The following LEMD2 variants were observed in gnomAD, a reference collection of about 807,000 sequenced individuals.
LEMD2 encodes LEM domain nuclear envelope protein 2.
LEMD2 carries 34 observed loss-of-function variants against 58.8 expected under a neutral mutation model. That is an observed-to-expected ratio of 0.58 (90% CI 0.44 to 0.77). LEMD2 has a LOEUF of 0.77. LEMD2 is among the 30% of genes least tolerant of loss of function. The pLI is 0.00. For missense variants in LEMD2, 629 were observed against 717.9 expected, an observed-to-expected ratio of 0.88 and a Z score of 1.42; for synonymous variants, 298 against 308.9, an observed-to-expected ratio of 0.96 and a Z score of 0.37.
At position 33,773,380 on chromosome 6, in the gene LEMD2, C is replaced by A. The variant is rs77580106; in HGVS notation, c.1362-602G>T. Among the ~76,000 whole-genome samples the A allele has an allele frequency of 4.4e-3, 670 of 152,266 alleles. 3 individuals are homozygous for A. Among genetic ancestry groups the A allele is most frequent in the African/African-American group, 0.015 (641 of 41,554 alleles). On this transcript the variant is annotated intron_variant, in intron 8 of 8. Transcript: ENST00000293760. ...GCCTTCCCCTCATCTCTTCTTCCCC[C>A]CTTCCAGACTGGACAAGAAGGTTCC... is the stretch of plus-strand genomic sequence containing the variant.
In LEMD2 at chr6:33,788,591, G is replaced by A. The variant is rs936273630; in HGVS notation, c.526C>T (p.Leu176Phe). 18 of 1,305,498 alleles carry A rather than the reference G, an allele frequency of 1.4e-5. No homozygotes were observed. The highest frequency in any genetic ancestry group is 4.1e-5 in the Admixed American group (1 of 24,112). 80.9% of individuals were successfully genotyped at this position (1,305,498 alleles called of 1,614,324 possible). A position where few individuals can be genotyped will look rare whatever the true frequency, so the allele number is the denominator to read the frequency against. The change falls in exon 1 of 9, where the codon CTC becomes TTC. Residue 176 changes from leucine (L) to phenylalanine (F), a missense_variant. Coordinates refer to ENST00000293760, the MANE Select transcript of LEMD2 (RefSeq NM_181336.4). ...CCCGGGCGCGGGTCGGGACCGAGGA[G>A]GGAGGAAGGCAGCCGCGCCGGGGCG... ...SPAPARLPSS[L>F]LGPDPRPGLR... is the part of the protein sequence containing the mutation.
At position 33,780,180 on chromosome 6, in the gene LEMD2, C is replaced by T; in HGVS notation, c.931-1G>A. On this transcript the variant is annotated splice_acceptor_variant, in intron 4 of 8. Coordinates refer to ENST00000293760, the MANE Select transcript of LEMD2 (RefSeq NM_181336.4). LOFTEE classifies it high-confidence loss of function. ...TGGCGGAGGAGCTGCTGGTCACATTCTGTGGGAGGGCGCGGGAGAAGGTTA... is the reference window on the plus strand; with the variant it reads ...TGGCGGAGGAGCTGCTGGTCACATTTTGTGGGAGGGCGCGGGAGAAGGTTA... The T allele has an allele frequency of 6.3e-7, 1 of 1,585,630 alleles. No homozygotes were observed. Among genetic ancestry groups the T allele is most frequent in the African/African-American group, 1.3e-5 (1 of 74,618 alleles).
chr6:33,785,111 C>T (rs571244649), intron 2 of LEMD2, among the ~76,000 whole-genome samples: 84 of 152,198 alleles, frequency 5.5e-4, no homozygotes, highest in African/African-American at 1.9e-3. Context: ...AAAGTGTCAC[C>T]GTCTTCAACG....
Position 33,778,653 on chromosome 6 carries a change from C to T in LEMD2, c.1011-266G>A. The T allele has an allele frequency of 3.0e-6, 1 of 335,344 alleles. No homozygotes were observed. The allele number at this position is 335,344 out of a possible 1,614,324, so 20.8% of individuals were successfully genotyped here. A position where few individuals can be genotyped will look rare whatever the true frequency, so the allele number is the denominator to read the frequency against. On this transcript the variant is annotated intron_variant, in intron 5 of 8. Coordinates refer to ENST00000293760, the MANE Select transcript of LEMD2 (RefSeq NM_181336.4). The surrounding 1 kb of genome is among the most constrained non-coding windows in gnomAD (Gnocchi z 4.7). ...CTGTCAGGTCTTTGACAGCCTCTCT[C>T]AGCATGCAGGAGATTAAACTGTAAA...
rs1185092030 is a variant in LEMD2 at position 33,780,081 on chromosome 6, C to T, written c.1010+19G>A. ...GGTTGCAGGCACCCATGCTGCGTCG[C>T]CACCCTGCCCACACTCACCAGATGC... On this transcript the variant is annotated intron_variant, in intron 5 of 8. Coordinates refer to ENST00000293760, the MANE Select transcript of LEMD2 (RefSeq NM_181336.4). The T allele has an allele frequency of 6.4e-7, 1 of 1,570,556 alleles. No homozygotes were observed.
In LEMD2 at chr6:33,780,088, G is replaced by T; in HGVS notation, c.1010+12C>A. On this transcript the variant is annotated intron_variant, in intron 5 of 8. Transcript: ENST00000293760. ...GGCACCCATGCTGCGTCGCCACCCT[G>T]CCCACACTCACCAGATGCCCACGTC... The T allele has an allele frequency of 6.3e-7, 1 of 1,579,612 alleles. No homozygotes were observed. The highest frequency in any genetic ancestry group is 8.6e-7 in the Non-Finnish European group (1 of 1,160,960).
Position 33,778,137 on chromosome 6 carries a change from A to G in LEMD2, c.1156+105T>C, listed in dbSNP as rs1767478441. On this transcript the variant is annotated intron_variant, in intron 6 of 8. Transcript: ENST00000293760. This position sits in a 1 kb window ranked among gnomAD's most constrained non-coding sequence, Gnocchi z 4.7. ...TTATGAGACAGACCTCAGGTTCACT[A>G]GACAGAAATGAACCCTCCGGGCCTG... 2 of 1,129,196 alleles carry G rather than the reference A, an allele frequency of 1.8e-6. No individual in the cohort carries two copies. Among genetic ancestry groups the G allele is most frequent in the Admixed American group, 3.1e-5 (1 of 31,788 alleles). The allele number at this position is 1,129,196 out of a possible 1,614,324, so 69.9% of individuals were successfully genotyped here.
intron 8 of LEMD2, 103 bp downstream of exon 8, chr6:33,776,851 C>T: frequency 1.1e-6 from 1 of 912,264 alleles, no homozygotes; most frequent in Non-Finnish European, 1.7e-6. Flanking sequence ...TCTGCACTGC[C>T]CTCAGCTGAC....
chr6:33,772,854 C>T, intron 8 of LEMD2, 76 bp from the exon 9 acceptor site: 2 of 1,332,770 alleles, frequency 1.5e-6, no homozygotes, highest in Non-Finnish European at 2.1e-6. Context: ...CTACAAAGGG[C>T]ACACATTTCC....
chr6:33,788,755 G>A lies in LEMD2; in HGVS notation c.362C>T (p.Ala121Val), dbSNP rs13213889. 0.16 allele frequency: 224,994 copies of A among 1,446,274 alleles called. 18,881 individuals carry two copies. Among genetic ancestry groups the A allele is most frequent in the Non-Finnish European group, 0.17 (189,141 of 1,101,234 alleles). 89.6% of individuals were successfully genotyped at this position (1,446,274 alleles called of 1,614,324 possible). ...GAGTTGCGCCGGGCGGGCAGGATAG[G>A]CGAGGCCGCGGCTCCCTACCCAGGA... The part of the protein sequence containing the change: ...AASWVGSRGL[A>V]YPARPAQLRR... The change falls in exon 1 of 9, where the codon GCC becomes GTC. Residue 121 changes from alanine (A) to valine (V), a missense_variant. By Grantham distance (64) the Ala-to-Val change is moderately conservative (BLOSUM62 0). Coordinates refer to ENST00000293760, the MANE Select transcript of LEMD2 (RefSeq NM_181336.4).
rs565921230 is a variant in LEMD2 at position 33,787,073 on chromosome 6, C to A, written c.737-299G>T. 9 of 403,842 alleles carry A rather than the reference C, an allele frequency of 2.2e-5. No homozygotes were observed. In the South Asian group the frequency reaches 3.2e-4, roughly 14 times the overall value. The allele number at this position is 403,842 out of a possible 1,614,324, so 25.0% of individuals were successfully genotyped here. On this transcript the variant is annotated intron_variant, in intron 1 of 8. Coordinates refer to ENST00000293760, the MANE Select transcript of LEMD2 (RefSeq NM_181336.4). ...TGTCTCCTCGTCTGTAAAACGGGATCAAATGGGCCTTCCCTGCTTAACTCA... is the reference window on the plus strand; with the variant it reads ...TGTCTCCTCGTCTGTAAAACGGGATAAAATGGGCCTTCCCTGCTTAACTCA...
chr6:33,774,990 A>T (rs1036691981), intron 8 of LEMD2, among the ~76,000 whole-genome samples: 4 of 151,778 alleles, frequency 2.6e-5, no homozygotes, highest in Non-Finnish European at 5.9e-5. Flanking sequence ...GAATGAATGA[A>T]TGAATGATAG....
rs1392290473 is a variant in LEMD2, at chr6:33,772,018, CCGG to C, written c.*607_*609del. 1 of 152,760 alleles carries C rather than the reference CCGG, an allele frequency of 6.5e-6. No homozygotes were observed. Among genetic ancestry groups the C allele is most frequent in the African/African-American group, 2.4e-5 (1 of 41,458 alleles). The allele number at this position is 152,760 out of a possible 1,614,324, so 9.5% of individuals were successfully genotyped here. On this transcript the variant is annotated 3_prime_UTR_variant, in exon 9 of 9. Transcript: ENST00000293760. ...TTCGGGATCCTCCCAGGAGGCTGTG[CCGG>C]CTGCTCACTCCTCCTGACCTGAGGG...
At chr6:33,786,639 A>C (rs1247320343) in intron 2 of LEMD2, 95 bp downstream of exon 2, 5 of 952,312 alleles carry the variant, frequency 5.3e-6, no homozygotes, top group Non-Finnish European at 8.4e-6. Context: ...GCACTCCCTG[A>C]AAATGATCCT....
intron 3 of LEMD2, 23 bp from the exon 4 acceptor site, chr6:33,781,176 T>A (rs1767557246): frequency 2.1e-6 from 3 of 1,452,570 alleles, no homozygotes; most frequent in Middle Eastern, 3.5e-4. Context: ...AAACCACACA[T>A]GCTCAAACAC....
Position 33,788,916 on chromosome 6 carries a change from C to A in LEMD2, c.201G>T (p.Arg67=). The A allele has an allele frequency of 6.8e-7, 1 of 1,465,848 alleles. No homozygotes were observed. The highest frequency in any genetic ancestry group is 2.5e-5 in the Admixed American group (1 of 39,694). 90.8% of individuals were successfully genotyped at this position (1,465,848 alleles called of 1,614,324 possible). ...RGEERLREEA[R]LREDAPLRAR... is the part of the protein sequence containing the mutation. ...CGCGCAGCGGCGCATCCTCGCGTAA[C>A]CGGGCCTCTTCCCGTAACCGCTCCT... Residue 67 remains arginine (R), a synonymous_variant, in exon 1 of 9, where the codon CGG becomes CGT. Transcript: ENST00000293760.
intron 5 of LEMD2, chr6:33,779,729 A>G (rs1017875050): frequency 1.6e-5 from 3 of 191,374 alleles, no homozygotes; most frequent in Non-Finnish European, 3.2e-5. Context: ...GAATAATTTC[A>G]TCTACAAATA....
chr6:33,775,482 A>C (rs1194373269), intron 8 of LEMD2, among the ~76,000 whole-genome samples: 1 of 151,752 alleles, frequency 6.6e-6, no homozygotes, highest in Non-Finnish European at 1.5e-5. Flanking sequence ...CATGCCCACT[A>C]ATATCTATTT....
At chr6:33,774,320 T>C (rs4713678) in intron 8 of LEMD2, among the ~76,000 whole-genome samples, 82,845 of 150,128 alleles carry the variant, frequency 0.55, 22,951 homozygotes, top group East Asian at 0.83. Context: ...TACAGGTGAC[T>C]GCCACCATGC....
Sources: gnomAD v4.1 joint callset for allele counts (sites outside exome capture counted in the v4.1 genomes callset) on GRCh38, gnomAD v4.1.1 for gene constraint, Gnocchi (gnomAD v3.1) non-coding constraint, MANE v1.5 for transcripts, NCBI Gene and HGNC (gene_info 2026-07-23, HGNC 2026-07-21) for gene names.